The following LSAMP variants were observed in gnomAD, a reference collection of about 807,000 sequenced individuals.
The protein encoded by LSAMP is limbic system-associated membrane protein.
Under a neutral mutation model 38.6 loss-of-function variants are expected in LSAMP, and 7 were observed. That is an observed-to-expected ratio of 0.18 (90% CI 0.10 to 0.34). The LOEUF (loss-of-function observed/expected upper bound fraction) is 0.34, where lower values mean the gene tolerates loss of function less well. Among genes scored for constraint, LSAMP ranks in the 10% least tolerant of loss-of-function variants. The probability of loss-of-function intolerance (pLI) is 1.00; values close to 1 mark genes in which losing one functional copy is unlikely to be tolerated. For missense variants in LSAMP, 313 were observed against 420.0 expected (o/e 0.75, Z 2.23); for synonymous variants, 154 against 166.8 (o/e 0.92, Z 0.59).
intron 3 of LSAMP, among the ~76,000 whole-genome samples, chr3:115,873,320 T>C (rs1420693609): frequency 6.6e-6 from 1 of 151,318 alleles, no homozygotes; most frequent in African/African-American, 2.4e-5. Context: ...GAGGTGGAAG[T>C]TGCAGTGAGC....
chr3:116,155,391 A>T (rs1024581460), intron 1 of LSAMP, among the ~76,000 whole-genome samples: 8 of 151,216 alleles, frequency 5.3e-5, no homozygotes, highest in East Asian at 2.0e-4. Flanking sequence ...TGCCTGGCTA[A>T]TTTTTTTTGT....
chr3:115,937,183 A>C (rs1937731210), intron 3 of LSAMP, among the ~76,000 whole-genome samples: 1 of 152,152 alleles, frequency 6.6e-6, no homozygotes, highest in African/African-American at 2.4e-5. Flanking sequence ...TTATATAAAA[A>C]ATTTTTCTTT....
At chr3:116,256,899 G>C (rs892003129) in intron 1 of LSAMP, among the ~76,000 whole-genome samples, 1 of 152,140 alleles carries the variant, frequency 6.6e-6, no homozygotes, top group Admixed American at 6.5e-5. Context: ...CAAAAATCAA[G>C]TCCTATTTTA....
At chr3:115,837,228 T>C (rs1934817560) in intron 6 of LSAMP, among the ~76,000 whole-genome samples, 1 of 152,184 alleles carries the variant, frequency 6.6e-6, no homozygotes, top group South Asian at 2.1e-4. Context: ...CTTAATGATA[T>C]TTTAAAGTTT....
chr3:116,122,060 G>A (rs1405417796), intron 1 of LSAMP, among the ~76,000 whole-genome samples: 3 of 151,984 alleles, frequency 2.0e-5, no homozygotes, highest in African/African-American at 7.2e-5. Flanking sequence ...CAGAGGCTAT[G>A]ACTGCGCAAA....
At chr3:115,948,455 C>A (rs563485936) in intron 3 of LSAMP, among the ~76,000 whole-genome samples, 1 of 152,026 alleles carries the variant, frequency 6.6e-6, no homozygotes, top group Admixed American at 6.6e-5. Context: ...TGAAATGAAA[C>A]TGGAAATTAA....
chr3:116,199,928 T>G (rs1315691488), intron 1 of LSAMP, among the ~76,000 whole-genome samples: 1 of 152,138 alleles, frequency 6.6e-6, no homozygotes, highest in African/African-American at 2.4e-5. Context: ...TCTTATATTT[T>G]AGGAAGACAG....
intron 2 of LSAMP, among the ~76,000 whole-genome samples, chr3:116,042,640 A>G (rs1037581712): frequency 2.0e-5 from 3 of 152,034 alleles, no homozygotes. Context: ...ATGTTGGCCA[A>G]GATGGTCTCA....
At chr3:116,079,631 C>CAAAAAAAAAAA (rs34038261) in intron 2 of LSAMP, among the ~76,000 whole-genome samples, 2 of 86,130 alleles carry the variant, frequency 2.3e-5, no homozygotes, top group African/African-American at 4.3e-5. Context: ...GACTCTGTCT[C>CAAAAAAAAAAA]AAAAAAAAAA....
At position 115,804,098 on chromosome 3, in the gene LSAMP, T is replaced by C. The variant is rs1032947163; in HGVS notation, c.*6219A>G. On this transcript the variant is annotated 3_prime_UTR_variant, in exon 7 of 7. Transcript: ENST00000490035. ...AATGTGTCCCTTCTCTACACTGCTA[T>C]AAAGTTTTGATCAGAAAAAATTTAC... 6.6e-6 allele frequency: 1 copy of C among 152,202 alleles called. No homozygotes were observed. Among genetic ancestry groups the C allele is most frequent in the African/African-American group, 2.4e-5 (1 of 41,462 alleles). 9.4% of individuals were successfully genotyped at this position (152,202 alleles called of 1,614,324 possible).
At chr3:116,145,590 A>C (rs1310873306) in intron 1 of LSAMP, among the ~76,000 whole-genome samples, 1 of 151,986 alleles carries the variant, frequency 6.6e-6, no homozygotes, top group African/African-American at 2.4e-5. Context: ...AATGTTAATC[A>C]GATCCCCCCC....
intron 3 of LSAMP, among the ~76,000 whole-genome samples, chr3:115,879,359 T>G (rs1411924100): frequency 1.3e-5 from 2 of 152,124 alleles, no homozygotes; most frequent in Non-Finnish European, 2.9e-5. Context: ...AAGATAAAGT[T>G]TAAACTTTAT....
rs2048499846 is a variant in LSAMP, at chr3:116,376,815, G to GT, written c.155+68061dup. 3.3e-5 allele frequency among the ~76,000 whole-genome samples: 5 copies of GT among 152,096 alleles called. No homozygotes were observed. In the South Asian group the frequency reaches 1.0e-3, roughly 32 times the overall value. ...CTGCCAAACTAATCTTTTTAAAACA[G>GT]TTTTTTGTCAAATCAGAATCTTGTT... is the stretch of plus-strand genomic sequence containing the variant. On this transcript the variant is annotated intron_variant, in intron 1 of 6. Coordinates refer to ENST00000490035, the MANE Select transcript of LSAMP (RefSeq NM_002338.5).
At chr3:116,241,200 A>C (rs1421140004) in intron 1 of LSAMP, among the ~76,000 whole-genome samples, 2 of 150,468 alleles carry the variant, frequency 1.3e-5, no homozygotes, top group South Asian at 4.2e-4. Flanking sequence ...AAACTTGCAG[A>C]TATTCCCATT....
chr3:115,998,693 G>A (rs1040900207), intron 3 of LSAMP, among the ~76,000 whole-genome samples: 13 of 152,090 alleles, frequency 8.5e-5, no homozygotes, highest in African/African-American at 2.7e-4. Flanking sequence ...ACAAGTCTAA[G>A]CTAAGTTTCT....
intron 1 of LSAMP, among the ~76,000 whole-genome samples, chr3:116,375,296 A>C (rs2048481034): frequency 6.6e-6 from 1 of 151,970 alleles, no homozygotes; most frequent in African/African-American, 2.4e-5. Flanking sequence ...GTATTGGAAA[A>C]AGAAAACAAA....
intron 1 of LSAMP, among the ~76,000 whole-genome samples, chr3:116,173,493 TAA>T (rs111826387): frequency 3.9e-5 from 6 of 151,986 alleles, no homozygotes; most frequent in African/African-American, 1.4e-4. Context: ...ATTCAGGAGT[TAA>T]AAAATGTGTA....
intron 1 of LSAMP, among the ~76,000 whole-genome samples, chr3:116,108,065 G>A (rs1708508791): frequency 6.6e-6 from 1 of 152,046 alleles, no homozygotes; most frequent in Admixed American, 6.6e-5. Flanking sequence ...TGGGATATTG[G>A]CATTGAGCGG....
At chr3:116,254,403 T>G (rs2903482) in intron 1 of LSAMP, among the ~76,000 whole-genome samples, 1 of 151,946 alleles carries the variant, frequency 6.6e-6, no homozygotes, top group Non-Finnish European at 1.5e-5. Flanking sequence ...GAGAAAAAAA[T>G]TAAAGAAAGA....
Sources: allele counts gnomAD v4.1 joint callset (sites outside exome capture counted in the v4.1 genomes callset), GRCh38; gene constraint gnomAD v4.1.1; transcripts MANE v1.5; gene names NCBI Gene and HGNC (gene_info 2026-07-23, HGNC 2026-07-21).